CHODL: variants seen among roughly 807,000 people sequenced by gnomAD.
CHODL encodes the protein transmembrane protein MT75.
CHODL carries 29 observed loss-of-function variants against 34.5 expected under a neutral mutation model. The observed-to-expected ratio is 0.84, with a 90% confidence interval of 0.63 to 1.15. The LOEUF is 1.15. Ranked by LOEUF, CHODL falls within the 50% of genes most tolerant of loss-of-function variation. The probability of loss-of-function intolerance (pLI) is 0.00; values close to 1 mark genes in which losing one functional copy is unlikely to be tolerated. For synonymous variants in CHODL, 125 were observed against 116.1 expected, an observed-to-expected ratio of 1.08 and a Z score of -0.49; for missense variants, 332 against 332.5, an observed-to-expected ratio of 1.00 and a Z score of 0.01.
intron 2 of CHODL, among the ~76,000 whole-genome samples, chr21:18,189,347 A>G (rs2073483317): frequency 6.6e-6 from 1 of 152,212 alleles, no homozygotes. Context: ...GATTTAAAAA[A>G]TCATTTTTTT....
At chr21:17,945,051 A>G (rs1430879854) in intron 1 of CHODL, among the ~76,000 whole-genome samples, 1 of 124,930 alleles carries the variant, frequency 8.0e-6, no homozygotes, top group Non-Finnish European at 1.8e-5. Context: ...TCTACTAAAA[A>G]TACAAAAAAA....
chr21:18,132,982 CT>C (rs2072675421), intron 2 of CHODL, among the ~76,000 whole-genome samples: 1 of 151,908 alleles, frequency 6.6e-6, no homozygotes, highest in South Asian at 2.1e-4. Context: ...CTTTGAAAGC[CT>C]AATGAAACTA....
At chr21:18,248,404 A>C (rs925275374) in intron 1 of CHODL, among the ~76,000 whole-genome samples, 1 of 151,296 alleles carries the variant, frequency 6.6e-6, no homozygotes, top group Non-Finnish European at 1.5e-5. Flanking sequence ...AATTACTTTA[A>C]GTATCTCTCG....
chr21:18,223,924 C>T (rs1424295626), intron 2 of CHODL, among the ~76,000 whole-genome samples: 1 of 151,986 alleles, frequency 6.6e-6, no homozygotes, highest in African/African-American at 2.4e-5. Context: ...TAAATGGAGC[C>T]GATTATTACC....
intron 2 of CHODL, among the ~76,000 whole-genome samples, chr21:18,032,487 C>T (rs1484417276): frequency 6.6e-6 from 1 of 151,942 alleles, no homozygotes. Flanking sequence ...TGCCACAATA[C>T]AATATTTGAA....
Position 18,257,108 on chromosome 21 carries a change from T to A in CHODL, c.528T>A (p.Tyr176Ter), listed in dbSNP as rs1411872407. 1 of 1,612,138 alleles carries A rather than the reference T, an allele frequency of 6.2e-7. No homozygotes were observed. The highest frequency in any genetic ancestry group is 2.2e-5 in the East Asian group (1 of 44,862). ...ACAGGTGTAACATGAAGCACAATTA[T>A]ATTTGCAAGTATGAACCAGGTAAGC... ...NDDRCNMKHN[Y>*]ICKYEPEINP... Residue 176 changes from tyrosine to a stop codon, truncating the protein, a stop_gained, in exon 3 of 6, where the codon TAT (tyrosine) becomes TAA (stop). Coordinates refer to ENST00000299295, the MANE Select transcript of CHODL (RefSeq NM_024944.3). LOFTEE classifies it high-confidence loss of function.
chr21:18,109,395 A>G (rs1461872449), intron 2 of CHODL, among the ~76,000 whole-genome samples: 2 of 152,070 alleles, frequency 1.3e-5, no homozygotes, highest in Non-Finnish European at 2.9e-5. Context: ...TGAATAATAA[A>G]TGACTTGAAC....
chr21:18,144,771 G>T (rs918415164), intron 2 of CHODL, among the ~76,000 whole-genome samples: 5 of 150,954 alleles, frequency 3.3e-5, no homozygotes, highest in Non-Finnish European at 7.4e-5. Flanking sequence ...TCTTTCTATG[G>T]TATCATTGAA....
At chr21:18,002,154 A>G (rs1271712473) in intron 1 of CHODL, among the ~76,000 whole-genome samples, 2 of 152,228 alleles carry the variant, frequency 1.3e-5, no homozygotes, top group Non-Finnish European at 2.9e-5. Flanking sequence ...CTGGAAAACA[A>G]TACATCATAA....
At chr21:18,110,618 G>A (rs1306476266) in intron 2 of CHODL, among the ~76,000 whole-genome samples, 1 of 151,838 alleles carries the variant, frequency 6.6e-6, no homozygotes, top group African/African-American at 2.4e-5. Context: ...AGAAGACTGG[G>A]GTCTTCATGA....
At chr21:17,978,864 T>C (rs1220052770) in intron 1 of CHODL, among the ~76,000 whole-genome samples, 1 of 152,184 alleles carries the variant, frequency 6.6e-6, no homozygotes, top group African/African-American at 2.4e-5. Context: ...GTTGAAATGC[T>C]AAGGTTCTTT....
chr21:18,049,967 T>C (rs1051372367), intron 2 of CHODL, among the ~76,000 whole-genome samples: 1 of 151,958 alleles, frequency 6.6e-6, no homozygotes, highest in Non-Finnish European at 1.5e-5. Flanking sequence ...GGTGATACCA[T>C]GGAGGCAGGG....
At chr21:18,032,076 A>G (rs755307825) in intron 2 of CHODL, among the ~76,000 whole-genome samples, 7 of 152,094 alleles carry the variant, frequency 4.6e-5, no homozygotes, top group Non-Finnish European at 8.8e-5. Context: ...GGTAGGGGGA[A>G]CTTGGGAAGA....
intron 1 of CHODL, among the ~76,000 whole-genome samples, chr21:17,917,876 C>CGTGTGCGT (rs2063152802): frequency 1.3e-5 from 2 of 150,706 alleles, no homozygotes; most frequent in Non-Finnish European, 3.0e-5. Context: ...CTCTGATATG[C>CGTGTGCGT]GTGTGTGTGT....
intron 2 of CHODL, among the ~76,000 whole-genome samples, chr21:18,219,368 C>G (rs1223631861): frequency 2.0e-5 from 3 of 152,086 alleles, no homozygotes; most frequent in Non-Finnish European, 2.9e-5. Flanking sequence ...ATCAGGAGAA[C>G]AGCAACATGG....
chr21:18,257,244 T>C, intron 3 of CHODL, 117 bp downstream of exon 3: 1 of 925,788 alleles, frequency 1.1e-6, no homozygotes, highest in Non-Finnish European at 1.6e-6. Flanking sequence ...AAATAGAAAA[T>C]TACCTTGCAG....
intron 2 of CHODL, among the ~76,000 whole-genome samples, chr21:18,082,976 C>T (rs996769097): frequency 7.9e-5 from 12 of 150,980 alleles, no homozygotes; most frequent in Non-Finnish European, 1.6e-4. Context: ...CAAAAATTTG[C>T]GTTAGTAAAA....
At chr21:17,939,109 C>T (rs771166817) in intron 1 of CHODL, among the ~76,000 whole-genome samples, 5 of 152,114 alleles carry the variant, frequency 3.3e-5, no homozygotes. Context: ...GAGATCCACC[C>T]TCTTAACAAA....
intron 1 of CHODL, among the ~76,000 whole-genome samples, chr21:17,960,771 T>TCTC (rs1473850431): frequency 6.6e-6 from 1 of 152,128 alleles, no homozygotes; most frequent in Non-Finnish European, 1.5e-5. Flanking sequence ...CATTCTCTCT[T>TCTC]CTCCAGGACT....
Sources: allele counts gnomAD v4.1 joint callset (sites outside exome capture counted in the v4.1 genomes callset), GRCh38; gene constraint gnomAD v4.1.1; transcripts MANE v1.5; gene names NCBI Gene and HGNC (gene_info 2026-07-23, HGNC 2026-07-21).